Variants in KIDINS220 observed in about 807,000 individuals in gnomAD.
The protein encoded by KIDINS220 is kinase D-interacting substrate of 220 kDa.
Under a neutral mutation model 157.6 loss-of-function variants are expected in KIDINS220, and 63 were observed. The ratio of observed to expected loss-of-function variants is 0.40; its 90% CI spans 0.33 to 0.49. The LOEUF (loss-of-function observed/expected upper bound fraction) is 0.49. KIDINS220 is among the 20% of genes least tolerant of loss of function. The pLI, the probability that KIDINS220 is intolerant of heterozygous loss-of-function variation, is 0.66. For synonymous variants in KIDINS220, 732 were observed against 783.6 expected, an observed-to-expected ratio of 0.93 and a Z score of 1.10; for missense variants, 1,772 against 2,171.2, an observed-to-expected ratio of 0.82 and a Z score of 3.65.
chr2:8,832,660 G>A (rs1251225859), intron 1 of KIDINS220, among the ~76,000 whole-genome samples: 1 of 152,108 alleles, frequency 6.6e-6, no homozygotes, highest in Non-Finnish European at 1.5e-5. Flanking sequence ...TTTACTTGAT[G>A]TATTAAGTCT....
At chr2:8,774,543 C>T (rs1670706776) in intron 21 of KIDINS220, among the ~76,000 whole-genome samples, 2 of 152,156 alleles carry the variant, frequency 1.3e-5, no homozygotes, top group South Asian at 2.1e-4. Context: ...GAAAAGCTGA[C>T]ATTTAAGCAA....
intron 20 of KIDINS220, 25 bp downstream of exon 20, chr2:8,778,614 C>T (rs753451809): frequency 1.5e-5 from 22 of 1,459,862 alleles, no homozygotes; most frequent in African/African-American, 1.3e-4. Flanking sequence ...TACAAACATA[C>T]AGCTCGAAGC....
At chr2:8,806,058 G>A (rs1343140845) in intron 7 of KIDINS220, among the ~76,000 whole-genome samples, 1 of 152,140 alleles carries the variant, frequency 6.6e-6, no homozygotes, top group Non-Finnish European at 1.5e-5. Flanking sequence ...CCAGTTGTGT[G>A]TGCATTAGCA....
At chr2:8,757,543 T>C (rs1668167071) in intron 22 of KIDINS220, 18 of 1,467,986 alleles carry the variant, frequency 1.2e-5, no homozygotes, top group Non-Finnish European at 1.6e-5. Context: ...CAACTACCCA[T>C]TCCGTTGTCT....
intron 22 of KIDINS220, among the ~76,000 whole-genome samples, chr2:8,759,050 A>G (rs775905550): frequency 2.6e-5 from 4 of 152,174 alleles, no homozygotes; most frequent in Non-Finnish European, 5.9e-5. Context: ...TCTCACTGAC[A>G]CTCACTTTTC....
intron 22 of KIDINS220, among the ~76,000 whole-genome samples, chr2:8,764,403 T>G (rs902247928): frequency 1.3e-5 from 2 of 152,040 alleles, no homozygotes; most frequent in South Asian, 2.1e-4. Context: ...AATAAAAATT[T>G]TAAAAAACAC....
At chr2:8,737,483 T>A (rs1463486907) in intron 26 of KIDINS220, among the ~76,000 whole-genome samples, 1 of 152,254 alleles carries the variant, frequency 6.6e-6, no homozygotes, top group East Asian at 1.9e-4. Context: ...CCTCAATGGT[T>A]ACAAGAGCTG....
chr2:8,750,358 A>G lies in KIDINS220; in HGVS notation c.3191-23T>C, dbSNP rs1667183361. 2.7e-6 allele frequency: 4 copies of G among 1,473,558 alleles called. No homozygotes were observed. The East Asian group carries it at 9.4e-5, about 35-fold the overall frequency. 91.3% of individuals were successfully genotyped at this position (1,473,558 alleles called of 1,614,324 possible). On this transcript the variant is annotated intron_variant, in intron 23 of 29. Transcript: ENST00000256707. ...CATCTGAAAGATTCAATCAGACCCC[A>G]GAAGGCAAGAGAAAACAGGACATTA... is the stretch of plus-strand genomic sequence containing the variant.
intron 17 of KIDINS220, among the ~76,000 whole-genome samples, chr2:8,783,438 C>A (rs1339672935): frequency 6.6e-6 from 1 of 152,066 alleles, no homozygotes; most frequent in Admixed American, 6.5e-5. Flanking sequence ...TTTCTTACCA[C>A]TCCTTTTCAA....
At chr2:8,734,596 A>G in intron 28 of KIDINS220, 59 bp downstream of exon 28, 14 of 1,185,576 alleles carry the variant, frequency 1.2e-5, no homozygotes, top group Non-Finnish European at 1.6e-5. Flanking sequence ...TGTTATAAAT[A>G]ATTTTGAATG....
In KIDINS220 at chr2:8,830,052, C is replaced by A. The variant is rs903053108; in HGVS notation, c.-36-2923G>T. On this transcript the variant is annotated intron_variant, in intron 1 of 29. Coordinates refer to ENST00000256707, the MANE Select transcript of KIDINS220 (RefSeq NM_020738.4). ...ATGTAGAACACCATCCTCATCTCTA[C>A]TCTACCAAGGCACCCATCTCCCTCT... 2.0e-5 allele frequency among the ~76,000 whole-genome samples: 3 copies of A among 152,080 alleles called. No individual in the cohort carries two copies. In the East Asian group the frequency reaches 5.8e-4, roughly 29 times the overall value.
In KIDINS220 at chr2:8,786,228, T is replaced by C; in HGVS notation, c.1917A>G (p.Val639=). The change falls in exon 16 of 30, where the codon GTA becomes GTG. Residue 639 remains valine (V), a synonymous_variant. Coordinates refer to ENST00000256707, the MANE Select transcript of KIDINS220 (RefSeq NM_020738.4). ...FGFLATRLFR[V]FKTEDTQGKK... ...TACCCTGAGTATCTTCAGTCTTGAA[T>C]ACTCGAAAAAGCCTGGTTGCCAAAA... 1 of 1,614,110 alleles carries C rather than the reference T, an allele frequency of 6.2e-7. No homozygotes were observed. Among genetic ancestry groups the C allele is most frequent in the Non-Finnish European group, 8.5e-7 (1 of 1,180,004 alleles).
At chr2:8,803,770 G>A (rs941224524) in intron 7 of KIDINS220, among the ~76,000 whole-genome samples, 5 of 152,086 alleles carry the variant, frequency 3.3e-5, no homozygotes, top group African/African-American at 1.2e-4. Flanking sequence ...AAAGCTTAAG[G>A]AGGCCAAGGC....
intron 22 of KIDINS220, among the ~76,000 whole-genome samples, chr2:8,753,078 G>A (rs1233898440): frequency 4.6e-5 from 7 of 152,086 alleles, no homozygotes; most frequent in South Asian, 2.1e-4. Flanking sequence ...AAGCAAGAAC[G>A]CATCACCGAG....
At chr2:8,739,575 T>C (rs1237778872) in intron 26 of KIDINS220, among the ~76,000 whole-genome samples, 3 of 151,930 alleles carry the variant, frequency 2.0e-5, no homozygotes, top group Non-Finnish European at 1.5e-5. Flanking sequence ...GCAAAAATGA[T>C]AAGGAAAGGG....
At chr2:8,823,538 A>T (rs2148420699) in intron 2 of KIDINS220, among the ~76,000 whole-genome samples, 1 of 152,214 alleles carries the variant, frequency 6.6e-6, no homozygotes, top group African/African-American at 2.4e-5. Flanking sequence ...TTGATACAAT[A>T]TTAAACTGGA....
Position 8,837,512 on chromosome 2 carries a change from C to T in KIDINS220, c.-69G>A, listed in dbSNP as rs1223492033. On this transcript the variant is annotated 5_prime_UTR_variant, in exon 1 of 30. Coordinates refer to ENST00000256707, the MANE Select transcript of KIDINS220 (RefSeq NM_020738.4). ...TCAGCTCCGGCGGAACGGGCCCGCT[C>T]GGCTGCAGGCGATGTCAGAGGACGG... is the stretch of plus-strand genomic sequence containing the variant. 1.3e-5 allele frequency: 2 copies of T among 152,330 alleles called. No individual in the cohort carries two copies. The highest frequency in any genetic ancestry group is 2.1e-4 in the South Asian group (1 of 4,838). 9.4% of individuals were successfully genotyped at this position (152,330 alleles called of 1,614,324 possible).
chr2:8,733,392 T>C (rs1664412817), intron 29 of KIDINS220, 52 bp downstream of exon 29: 2 of 1,429,706 alleles, frequency 1.4e-6, no homozygotes, highest in Non-Finnish European at 9.8e-7. Context: ...CTCAGTGAAC[T>C]GAACGGTGTG....
chr2:8,782,990 G>A (rs993829630), intron 17 of KIDINS220, among the ~76,000 whole-genome samples: 1 of 152,094 alleles, frequency 6.6e-6, no homozygotes, highest in Admixed American at 6.5e-5. Flanking sequence ...CTGAGGTCAG[G>A]AGTTCAAGAC....
Sources: gnomAD v4.1 joint callset for allele counts (sites outside exome capture counted in the v4.1 genomes callset) on GRCh38, gnomAD v4.1.1 for gene constraint, MANE v1.5 for transcripts, NCBI Gene and HGNC (gene_info 2026-07-23, HGNC 2026-07-21) for gene names.